DYM: variants seen among roughly 807,000 people sequenced by gnomAD.
DYM encodes the protein dyggve-Melchior-Clausen syndrome protein.
In DYM, 78 loss-of-function variants were observed where a neutral mutation model predicts 93.1. The observed-to-expected ratio is 0.84, with a 90% CI of 0.70 to 1.01. DYM has a LOEUF of 1.01. Ranked by LOEUF, DYM falls within the 50% of genes least tolerant of loss-of-function variation. The pLI is 0.00. For missense variants in DYM, 789 were observed against 845.0 expected (o/e 0.93, Z 0.82); for synonymous variants, 321 against 319.7 (o/e 1.00, Z -0.04).
chr18:49,245,513 G>A (rs950983823), intron 13 of DYM, among the ~76,000 whole-genome samples: 1 of 152,122 alleles, frequency 6.6e-6, no homozygotes, highest in Non-Finnish European at 1.5e-5. Flanking sequence ...GTTGAGATAA[G>A]GACTGAAATA....
chr18:49,216,286 G>C (rs1297273113), intron 13 of DYM, among the ~76,000 whole-genome samples: 2 of 152,188 alleles, frequency 1.3e-5, no homozygotes, highest in Non-Finnish European at 2.9e-5. Context: ...AACTCAAGGA[G>C]GCCTGCCTGC....
Position 49,289,023 on chromosome 18 carries a change from G to C in DYM, c.764-2407C>G, listed in dbSNP as rs1246934336. On this transcript the variant is annotated intron_variant, in intron 8 of 17. Coordinates refer to ENST00000675505, the MANE Select transcript of DYM (RefSeq NM_001353214.3). ...TAAAGCTATAGTCATGTAAAAGTGT[G>C]ATTTGGCAGCAGAGGAGACAAATAG... Among the ~76,000 whole-genome samples the C allele has an allele frequency of 2.0e-5, 3 of 152,154 alleles. No homozygotes were observed. In the East Asian group the frequency reaches 5.8e-4, roughly 29 times the overall value.
chr18:49,306,820 C>T (rs1316431774), intron 8 of DYM, among the ~76,000 whole-genome samples: 2 of 152,190 alleles, frequency 1.3e-5, no homozygotes, highest in African/African-American at 4.8e-5. Context: ...GTCTATTTAA[C>T]AAAGAAGATT....
At chr18:49,119,908 C>T (rs573062573) in intron 15 of DYM, among the ~76,000 whole-genome samples, 8 of 151,688 alleles carry the variant, frequency 5.3e-5, no homozygotes, top group Middle Eastern at 6.8e-3. Flanking sequence ...GGCAACATGA[C>T]GAAACCCCAT....
At chr18:49,201,927 C>T (rs2092020142) in intron 14 of DYM, among the ~76,000 whole-genome samples, 1 of 152,192 alleles carries the variant, frequency 6.6e-6, no homozygotes. Context: ...ACCCCATTTG[C>T]TGTTTGGCAC....
At chr18:49,184,362 C>T (rs1234854440) in intron 14 of DYM, among the ~76,000 whole-genome samples, 1 of 152,014 alleles carries the variant, frequency 6.6e-6, no homozygotes, top group Non-Finnish European at 1.5e-5. Context: ...TTAGACATTC[C>T]ATAAGTTCTC....
intron 17 of DYM, among the ~76,000 whole-genome samples, chr18:49,067,359 G>A (rs357858): frequency 2.1e-5 from 3 of 142,490 alleles, no homozygotes; most frequent in African/African-American, 7.8e-5. Context: ...GGAAGGAGTG[G>A]GGTGATGTGT....
At chr18:49,259,731 G>A (rs2094460584) in intron 11 of DYM, among the ~76,000 whole-genome samples, 1 of 152,150 alleles carries the variant, frequency 6.6e-6, no homozygotes, top group Non-Finnish European at 1.5e-5. Context: ...AAATTATACG[G>A]AAGATTTGTT....
intron 8 of DYM, among the ~76,000 whole-genome samples, chr18:49,310,271 A>C (rs902607840): frequency 6.6e-6 from 1 of 152,232 alleles, no homozygotes; most frequent in African/African-American, 2.4e-5. Flanking sequence ...GAGTTCAGTG[A>C]ATATTAATCA....
intron 17 of DYM, among the ~76,000 whole-genome samples, chr18:49,091,813 T>C (rs1329885599): frequency 1.3e-5 from 2 of 152,114 alleles, no homozygotes; most frequent in Non-Finnish European, 2.9e-5. Flanking sequence ...CTCGGTTTCA[T>C]CACATTGGTC....
chr18:49,454,069 G>A lies in DYM; in HGVS notation c.-54+6329C>T, dbSNP rs112853267. On this transcript the variant is annotated intron_variant, in intron 1 of 17. Coordinates refer to ENST00000675505, the MANE Select transcript of DYM (RefSeq NM_001353214.3). ...TGATGCTGCAGACAGAACCACACAC[G>A]GACATGCCTTTCTTCCAAGGACCCT... 1.8e-3 allele frequency among the ~76,000 whole-genome samples: 270 copies of A among 152,190 alleles called. 2 individuals are homozygous for A. The highest frequency in any genetic ancestry group is 5.7e-3 in the African/African-American group (238 of 41,504).
chr18:49,219,836 A>C lies in DYM; in HGVS notation c.1461-10121T>G, dbSNP rs1258244561. 1.3e-4 allele frequency among the ~76,000 whole-genome samples: 19 copies of C among 145,854 alleles called. No individual in the cohort carries two copies. In the Admixed American group the frequency reaches 1.3e-3, roughly 10 times the overall value. Reference sequence around the variant, plus strand: ...GCAAAAACTGGAAGCATTTCCTTTGAAAACTGCCACAAGACAGGGATGCCC... The same window carrying C: ...GCAAAAACTGGAAGCATTTCCTTTGCAAACTGCCACAAGACAGGGATGCCC... On this transcript the variant is annotated intron_variant, in intron 13 of 17. Transcript: ENST00000675505.
intron 14 of DYM, among the ~76,000 whole-genome samples, chr18:49,173,995 T>A (rs2089076325): frequency 6.6e-6 from 1 of 152,190 alleles, no homozygotes; most frequent in Non-Finnish European, 1.5e-5. Flanking sequence ...TCATTGATGC[T>A]CTTTGTCAGG....
intron 13 of DYM, among the ~76,000 whole-genome samples, chr18:49,234,568 G>A (rs2093805613): frequency 6.6e-6 from 1 of 152,158 alleles, no homozygotes; most frequent in Admixed American, 6.5e-5. Context: ...TGAAACCCTA[G>A]GGGATGGTTA....
chr18:49,133,162 G>C (rs1382679964), intron 15 of DYM, among the ~76,000 whole-genome samples: 1 of 152,124 alleles, frequency 6.6e-6, no homozygotes, highest in Non-Finnish European at 1.5e-5. Context: ...AGTATAATCT[G>C]AAACTACTTT....
chr18:49,075,138 G>A (rs1334627852), intron 17 of DYM, among the ~76,000 whole-genome samples: 1 of 152,170 alleles, frequency 6.6e-6, no homozygotes, highest in African/African-American at 2.4e-5. Context: ...AGATTTTACA[G>A]CTAGACAATC....
intron 13 of DYM, among the ~76,000 whole-genome samples, chr18:49,235,828 C>G (rs1429346445): frequency 6.7e-6 from 1 of 148,880 alleles, no homozygotes; most frequent in African/African-American, 2.5e-5. Context: ...GATCATCACA[C>G]AATATTCACT....
rs2144010649 is a variant in DYM, at chr18:49,042,027, C to T, written c.*2028G>A. 6.6e-6 allele frequency: 1 copy of T among 152,374 alleles called. No homozygotes were observed. The highest frequency in any genetic ancestry group is 2.1e-4 in the South Asian group (1 of 4,834). 9.4% of individuals were successfully genotyped at this position (152,374 alleles called of 1,614,324 possible). A position where few individuals can be genotyped will look rare whatever the true frequency, so the allele number is the denominator to read the frequency against. On this transcript the variant is annotated 3_prime_UTR_variant, in exon 18 of 18. Coordinates refer to ENST00000675505, the MANE Select transcript of DYM (RefSeq NM_001353214.3). ...GAAGCCAATCAAAATGCTTTGGAAA[C>T]AAATTAAAGTTGCAAATTATTTCCC...
At chr18:49,145,965 T>C (rs552067056) in intron 15 of DYM, among the ~76,000 whole-genome samples, 2 of 152,180 alleles carry the variant, frequency 1.3e-5, no homozygotes, top group African/African-American at 4.8e-5. Flanking sequence ...TGAATAACTT[T>C]ATATAACTCC....
Sources: gnomAD v4.1 joint callset for allele counts (sites outside exome capture counted in the v4.1 genomes callset) on GRCh38, gnomAD v4.1.1 for gene constraint, MANE v1.5 for transcripts, NCBI Gene and HGNC (gene_info 2026-07-23, HGNC 2026-07-21) for gene names.